Variants in EBF3 observed in about 807,000 individuals in gnomAD.
EBF3 encodes EBF transcription factor 3, also known as transcription factor COE3.
In EBF3, 18 loss-of-function variants were observed where a neutral mutation model predicts 77.1. The ratio of observed to expected loss-of-function variants is 0.23; its 90% CI spans 0.16 to 0.35. EBF3 has a LOEUF of 0.35. EBF3 is among the 10% of genes least tolerant of loss of function. EBF3 has a pLI of 1.00. For missense variants in EBF3, 558 were observed against 860.0 expected (o/e 0.65, Z 4.39); for synonymous variants, 350 against 343.5 (o/e 1.02, Z -0.21).
intron 6 of EBF3, among the ~76,000 whole-genome samples, chr10:129,904,733 T>TATCC (rs140472832): frequency 0.11 from 16,667 of 151,822 alleles, 1,100 homozygotes; most frequent in East Asian, 0.27. Flanking sequence ...TAGATCTCTC[T>TATCC]ATCCATCCAT....
intron 6 of EBF3, among the ~76,000 whole-genome samples, chr10:129,919,702 C>G (rs2134346172): frequency 6.6e-6 from 1 of 152,292 alleles, no homozygotes; most frequent in African/African-American, 2.4e-5. Flanking sequence ...TGCCAGGTTT[C>G]AGGGATTTAA....
intron 6 of EBF3, among the ~76,000 whole-genome samples, chr10:129,893,561 CTGTT>C (rs1350727423): frequency 1.3e-5 from 2 of 152,144 alleles, no homozygotes; most frequent in African/African-American, 2.4e-5. Flanking sequence ...GTTCAGTAAA[CTGTT>C]AGATTAGGAA....
chr10:129,940,908 G>T (rs377735301), intron 6 of EBF3, among the ~76,000 whole-genome samples: 1 of 152,206 alleles, frequency 6.6e-6, no homozygotes, highest in African/African-American at 2.4e-5. Flanking sequence ...AAACAGGACT[G>T]CAGCGTAAAA....
chr10:129,950,078 C>T (rs1356036053), intron 6 of EBF3, among the ~76,000 whole-genome samples: 1 of 151,368 alleles, frequency 6.6e-6, no homozygotes, highest in Non-Finnish European at 1.5e-5. Flanking sequence ...AGCTGCCTGT[C>T]TGGGCAAATG....
intron 6 of EBF3, among the ~76,000 whole-genome samples, chr10:129,955,848 C>CT (rs1858996184): frequency 6.6e-6 from 1 of 152,194 alleles, no homozygotes; most frequent in Admixed American, 6.5e-5. Context: ...CATGCACTGC[C>CT]TTTTCAAGCA....
chr10:129,955,970 A>AGGTTTTT (rs1207711594), intron 6 of EBF3, among the ~76,000 whole-genome samples: 30 of 152,336 alleles, frequency 2.0e-4, no homozygotes, highest in African/African-American at 7.2e-4. Flanking sequence ...CCACAACACT[A>AGGTTTTT]AAGACAGATA....
rs571313227 is a variant in EBF3 at position 129,884,440 on chromosome 10, C to T, written c.555-6591G>A. Among the ~76,000 whole-genome samples, 815 of 152,292 alleles carry T rather than the reference C, an allele frequency of 5.4e-3. 4 individuals carry two copies. Among genetic ancestry groups the T allele is most frequent in the Non-Finnish European group, 9.6e-3 (656 of 68,030 alleles). On this transcript the variant is annotated intron_variant, in intron 6 of 16. Coordinates refer to ENST00000440978, the MANE Select transcript of EBF3 (RefSeq NM_001375380.1). ...CTGCCATTAGCTATTACTGGGCTCA[C>T]GTTCTTTAATGCCATACGGGAGAAA...
chr10:129,873,404 AG>A (rs756594577), intron 8 of EBF3, 47 bp downstream of exon 8: 30 of 1,460,074 alleles, frequency 2.1e-5, no homozygotes, highest in Non-Finnish European at 2.6e-5. Context: ...GATGGTGCAA[AG>A]AAAAAGAAGC....
chr10:129,875,101 T>C (rs574329049), intron 7 of EBF3, among the ~76,000 whole-genome samples: 14 of 149,486 alleles, frequency 9.4e-5, no homozygotes, highest in African/African-American at 3.2e-4. Context: ...TAATTAAACA[T>C]ACAAATAAGT....
intron 11 of EBF3, among the ~76,000 whole-genome samples, chr10:129,843,942 C>T (rs1160310568): frequency 2.0e-5 from 3 of 152,216 alleles, no homozygotes; most frequent in Non-Finnish European, 2.9e-5. Context: ...TACGATTGTG[C>T]GGATTAATCC....
chr10:129,914,271 C>G (rs1855720775), intron 6 of EBF3, among the ~76,000 whole-genome samples: 1 of 152,146 alleles, frequency 6.6e-6, no homozygotes, highest in Non-Finnish European at 1.5e-5. Flanking sequence ...ACATTTCAGA[C>G]AAAGAGCATC....
At chr10:129,844,805 T>C (rs952343124) in intron 11 of EBF3, among the ~76,000 whole-genome samples, 5 of 152,162 alleles carry the variant, frequency 3.3e-5, no homozygotes, top group African/African-American at 1.2e-4. Flanking sequence ...GTATAATCAA[T>C]GAAAGGCCCA....
chr10:129,902,794 T>C (rs1484463540), intron 6 of EBF3, among the ~76,000 whole-genome samples: 4 of 151,984 alleles, frequency 2.6e-5, no homozygotes, highest in African/African-American at 9.7e-5. Context: ...ACACACAGGA[T>C]TTCAGTACAG....
chr10:129,937,900 C>T (rs1857469445), intron 6 of EBF3, among the ~76,000 whole-genome samples: 1 of 152,176 alleles, frequency 6.6e-6, no homozygotes, highest in Admixed American at 6.5e-5. Flanking sequence ...ATTCCATCCC[C>T]CTAAAAGGTG....
intron 6 of EBF3, among the ~76,000 whole-genome samples, chr10:129,931,862 A>C (rs1263105459): frequency 6.6e-6 from 1 of 152,218 alleles, no homozygotes; most frequent in Non-Finnish European, 1.5e-5. Context: ...TACAGGGCCT[A>C]GCTGGGTATC....
chr10:129,899,220 C>T (rs1036821049), intron 6 of EBF3, among the ~76,000 whole-genome samples: 3 of 152,226 alleles, frequency 2.0e-5, no homozygotes, highest in African/African-American at 4.8e-5. Flanking sequence ...ATTCATAAAT[C>T]GGAGTCGACA....
intron 6 of EBF3, among the ~76,000 whole-genome samples, chr10:129,908,652 G>A (rs1194038120): frequency 6.6e-6 from 1 of 152,208 alleles, no homozygotes; most frequent in Non-Finnish European, 1.5e-5. Context: ...TTGATAAGCC[G>A]CGTTGCAGTT....
At chr10:129,873,329 G>T in intron 8 of EBF3, 123 bp downstream of exon 8, 2 of 1,165,848 alleles carry the variant, frequency 1.7e-6, no homozygotes, top group Non-Finnish European at 2.2e-6. Flanking sequence ...ATCCTGCCTT[G>T]GTGCAGGAGG....
At position 129,938,314 on chromosome 10, in the gene EBF3, C is replaced by A. The variant is rs1857498509; in HGVS notation, c.554+18944G>T. ...CAGCACTTTGGAAGGCCAAGGGAGG[C>A]AGATCACTTGAGCTCAGGAGTTCAA... is the stretch of plus-strand genomic sequence containing the variant. On this transcript the variant is annotated intron_variant, in intron 6 of 16. Coordinates refer to ENST00000440978, the MANE Select transcript of EBF3 (RefSeq NM_001375380.1). The surrounding 1 kb of genome is among the most constrained non-coding windows in gnomAD (Gnocchi z 5.1). Among the ~76,000 whole-genome samples the A allele has an allele frequency of 6.6e-6, 1 of 150,416 alleles. No homozygotes were observed. Among genetic ancestry groups the A allele is most frequent in the African/African-American group, 2.5e-5 (1 of 40,746 alleles).
Sources: allele counts gnomAD v4.1 joint callset (sites outside exome capture counted in the v4.1 genomes callset), GRCh38; gene constraint gnomAD v4.1.1; non-coding constraint Gnocchi (gnomAD v3.1); transcripts MANE v1.5; gene names NCBI Gene and HGNC (gene_info 2026-07-23, HGNC 2026-07-21).